DTWD2: variants seen among roughly 807,000 people sequenced by gnomAD.
DTWD2 encodes the protein tRNA-uridine aminocarboxypropyltransferase 2.
In DTWD2, 39 loss-of-function variants were observed where a neutral mutation model predicts 31.8. That is an observed-to-expected ratio of 1.22 (90% CI 0.95 to 1.60). The LOEUF (loss-of-function observed/expected upper bound fraction) is 1.60, where lower values mean the gene tolerates loss of function less well. DTWD2 is among the 40% of genes most tolerant of loss of function. The pLI is 0.00. For synonymous variants in DTWD2, 180 were observed against 142.8 expected, an observed-to-expected ratio of 1.26 and a Z score of -1.86; for missense variants, 515 against 381.5, an observed-to-expected ratio of 1.35 and a Z score of -2.92.
At chr5:118,959,590 G>C (rs1438770455) in intron 1 of DTWD2, among the ~76,000 whole-genome samples, 3 of 152,130 alleles carry the variant, frequency 2.0e-5, no homozygotes, top group Admixed American at 1.3e-4. Flanking sequence ...CACAGAATTA[G>C]AAAAATAAAA....
chr5:118,967,255 T>C (rs939404717), intron 1 of DTWD2, among the ~76,000 whole-genome samples: 1 of 152,188 alleles, frequency 6.6e-6, no homozygotes, highest in African/African-American at 2.4e-5. Context: ...ATGAAACTCA[T>C]GGTTTCTTTA....
chr5:118,858,994 T>C (rs1055027065), intron 4 of DTWD2, among the ~76,000 whole-genome samples: 5 of 152,192 alleles, frequency 3.3e-5, no homozygotes, highest in Non-Finnish European at 7.4e-5. Flanking sequence ...AAGTACATAA[T>C]GTCTGGTCAT....
intron 3 of DTWD2, among the ~76,000 whole-genome samples, chr5:118,929,658 T>G (rs1355137176): frequency 6.6e-6 from 1 of 152,348 alleles, no homozygotes; most frequent in East Asian, 1.9e-4. Flanking sequence ...GTATATTATC[T>G]ATTGAAGGAA....
intron 1 of DTWD2, among the ~76,000 whole-genome samples, chr5:118,985,584 T>G (rs1755409826): frequency 1.3e-5 from 2 of 149,234 alleles, no homozygotes; most frequent in African/African-American, 4.9e-5. Context: ...AATTAAAGAC[T>G]CTAGTAAAAT....
At chr5:118,919,845 CT>C (rs1421203109) in intron 4 of DTWD2, among the ~76,000 whole-genome samples, 16 of 151,910 alleles carry the variant, frequency 1.1e-4, no homozygotes, top group African/African-American at 3.4e-4. Flanking sequence ...TTAAATTGTC[CT>C]ACAAACAGTG....
intron 1 of DTWD2, among the ~76,000 whole-genome samples, chr5:118,952,751 T>C (rs572401562): frequency 6.6e-6 from 1 of 152,184 alleles, no homozygotes; most frequent in Non-Finnish European, 1.5e-5. Flanking sequence ...CTTTAACCCA[T>C]AAATCTGCAA....
intron 1 of DTWD2, 75 bp downstream of exon 1, chr5:118,988,219 C>A: frequency 6.6e-7 from 1 of 1,520,858 alleles, no homozygotes; most frequent in Non-Finnish European, 8.8e-7. Context: ...GCCGCCGACT[C>A]CCCGGCAGGG....
At chr5:118,934,272 T>TAAAAAAAA (rs397999089) in intron 3 of DTWD2, among the ~76,000 whole-genome samples, 2 of 23,562 alleles carry the variant, frequency 8.5e-5, no homozygotes, top group Admixed American at 5.8e-4. Context: ...TTGTCTCCAT[T>TAAAAAAAA]AAAAAAAAAA....
At chr5:118,859,663 T>C (rs1314711154) in intron 4 of DTWD2, among the ~76,000 whole-genome samples, 1 of 152,176 alleles carries the variant, frequency 6.6e-6, no homozygotes, top group Non-Finnish European at 1.5e-5. Flanking sequence ...TAATATGAAA[T>C]AGTCACACAG....
chr5:118,971,324 G>C (rs539138071), intron 1 of DTWD2, among the ~76,000 whole-genome samples: 6 of 152,086 alleles, frequency 3.9e-5, no homozygotes, highest in Admixed American at 3.3e-4. Context: ...AAAAATGCAG[G>C]GGTCACAATT....
At chr5:118,889,564 A>C (rs544846217) in intron 4 of DTWD2, among the ~76,000 whole-genome samples, 13 of 152,260 alleles carry the variant, frequency 8.5e-5, no homozygotes, top group African/African-American at 3.1e-4. Flanking sequence ...AAATAAAATA[A>C]TTTTGAAAAA....
intron 1 of DTWD2, among the ~76,000 whole-genome samples, chr5:118,945,707 G>A (rs1754319061): frequency 6.6e-6 from 1 of 151,162 alleles, no homozygotes; most frequent in South Asian, 2.1e-4. Context: ...GGAGGTTGCA[G>A]TGAGCCAGGA....
intron 4 of DTWD2, among the ~76,000 whole-genome samples, chr5:118,873,314 G>A (rs1752548346): frequency 6.6e-6 from 1 of 152,170 alleles, no homozygotes; most frequent in African/African-American, 2.4e-5. Flanking sequence ...CGTTAGATGG[G>A]GCTGGTCTGA....
intron 1 of DTWD2, among the ~76,000 whole-genome samples, chr5:118,984,424 G>A (rs189296221): frequency 8.6e-5 from 13 of 150,358 alleles, no homozygotes; most frequent in African/African-American, 2.9e-4. Flanking sequence ...TTGCGCCACT[G>A]CAATCCAGCC....
chr5:118,925,772 G>A (rs953718756), intron 4 of DTWD2, among the ~76,000 whole-genome samples: 1 of 151,930 alleles, frequency 6.6e-6, no homozygotes, highest in African/African-American at 2.4e-5. Flanking sequence ...GTGAACCCGG[G>A]AGGCGGAGCT....
chr5:118,928,424 G>T, intron 4 of DTWD2, 113 bp downstream of exon 4: 2 of 692,310 alleles, frequency 2.9e-6, no homozygotes, highest in Non-Finnish European at 4.1e-6. Context: ...TTCACACATA[G>T]AAATACCACC....
chr5:118,892,634 A>T (rs1189585830), intron 4 of DTWD2, among the ~76,000 whole-genome samples: 1 of 152,166 alleles, frequency 6.6e-6, no homozygotes, highest in Non-Finnish European at 1.5e-5. Context: ...AATCGACAAA[A>T]AACATTCAAA....
intron 4 of DTWD2, among the ~76,000 whole-genome samples, chr5:118,921,819 A>C (rs1753711149): frequency 6.6e-6 from 1 of 152,220 alleles, no homozygotes. Flanking sequence ...GAGATTTAAA[A>C]AACTGAAGTT....
In DTWD2 at chr5:118,935,357, T is replaced by C. The variant is rs146398968; in HGVS notation, c.404+3839A>G. 2.0e-5 allele frequency among the ~76,000 whole-genome samples: 3 copies of C among 152,300 alleles called. No individual in the cohort carries two copies. The East Asian group carries it at 5.8e-4, about 29-fold the overall frequency. ...TTGAAGCTGATCAGTCAGAAGTTCC[T>C]GAGGCCCGGACTTGCCAATGGTGTC... On this transcript the variant is annotated intron_variant, in intron 3 of 5. Transcript: ENST00000510708.
Sources: gnomAD v4.1 joint callset for allele counts (sites outside exome capture counted in the v4.1 genomes callset) on GRCh38, gnomAD v4.1.1 for gene constraint, MANE v1.5 for transcripts, NCBI Gene and HGNC (gene_info 2026-07-23, HGNC 2026-07-21) for gene names.